Variants in KLHL4 observed in about 807,000 individuals in gnomAD.
The protein encoded by KLHL4 is kelch-like protein 4.
In KLHL4, 17 loss-of-function variants were observed where a neutral mutation model predicts 45.8. That is an observed-to-expected ratio of 0.37 (90% CI 0.25 to 0.56). The LOEUF (loss-of-function observed/expected upper bound fraction) is 0.56, where lower values mean the gene tolerates loss of function less well. Among genes scored for constraint, KLHL4 ranks in the 20% least tolerant of loss-of-function variants. KLHL4 has a pLI of 0.79. For missense variants in KLHL4, 544 were observed against 544.9 expected, an observed-to-expected ratio of 1.00 and a Z score of 0.02; for synonymous variants, 224 against 189.9, an observed-to-expected ratio of 1.18 and a Z score of -1.47.
At position 87,635,600 on chromosome X, in the gene KLHL4, C is replaced by A; in HGVS notation, c.1750C>A (p.Leu584Ile). The change falls in exon 9 of 11, where the codon CTC becomes ATC. Residue 584 changes from leucine (L) to isoleucine (I), a missense_variant. By Grantham distance (5) the Leu-to-Ile change is conservative (BLOSUM62 2). Transcript: ENST00000373119. ...TGGTGGACGTGATGGAAGTTCCTGC[C>A]TCAAATCAATGGAATACTTTGACCC... ...AIGGRDGSSC[L>I]KSMEYFDPHT... is the part of the protein sequence containing the mutation. 8.3e-7 allele frequency: 1 copy of A among 1,210,591 alleles called. No individual in the cohort carries two copies. Among genetic ancestry groups the A allele is most frequent in the Non-Finnish European group, 1.1e-6 (1 of 894,632 alleles).
intron 1 of KLHL4, among the ~76,000 whole-genome samples, chrX:87,521,976 C>T (rs916234692): frequency 8.9e-6 from 1 of 112,590 alleles, no homozygotes; most frequent in Non-Finnish European, 1.9e-5. Flanking sequence ...ACAGAGACCT[C>T]TGCCTTTTAT....
intron 1 of KLHL4, among the ~76,000 whole-genome samples, chrX:87,609,283 G>A (rs138855019): frequency 2.7e-5 from 3 of 111,958 alleles, no homozygotes; most frequent in African/African-American, 9.7e-5. Flanking sequence ...CCAGTAATGG[G>A]ATGGCTGGGT....
intron 1 of KLHL4, among the ~76,000 whole-genome samples, chrX:87,610,110 C>T (rs940088342): frequency 1.1e-4 from 12 of 111,807 alleles, no homozygotes; most frequent in African/African-American, 3.9e-4. Flanking sequence ...CATTACCACT[C>T]TACATAAAAT....
rs377130923 is a variant in KLHL4 at position 87,667,206 on chromosome X, A to G, written c.*672A>G. On this transcript the variant is annotated 3_prime_UTR_variant, in exon 11 of 11. Coordinates refer to ENST00000373119, the MANE Select transcript of KLHL4 (RefSeq NM_019117.5). ...TAAATTTGGTATTTCTTAACATATTATCTTGTTAGATTTGTTACCAGTAAA... is the reference window on the plus strand; with the variant it reads ...TAAATTTGGTATTTCTTAACATATTGTCTTGTTAGATTTGTTACCAGTAAA... The G allele has an allele frequency of 4.0e-5, 29 of 724,524 alleles. No individual in the cohort carries two copies. The East Asian group carries it at 1.8e-3, about 46-fold the overall frequency. The allele number at this position is 724,524 out of a possible 1,213,427, so 59.7% of individuals were successfully genotyped here.
At position 87,634,972 on chromosome X, in the gene KLHL4, T is replaced by A. The variant is rs1923215325; in HGVS notation, c.1713-591T>A. On this transcript the variant is annotated intron_variant, in intron 8 of 10. Coordinates refer to ENST00000373119, the MANE Select transcript of KLHL4 (RefSeq NM_019117.5). ...TTAATACATGATAACTTTAAAATTA[T>A]ATTAAAAATACTACTTATCAAAAGA... is the stretch of plus-strand genomic sequence containing the variant. Among the ~76,000 whole-genome samples the A allele has an allele frequency of 2.7e-5, 3 of 111,913 alleles. No homozygotes were observed. The Admixed American group carries it at 2.9e-4, about 11-fold the overall frequency.
intron 1 of KLHL4, among the ~76,000 whole-genome samples, chrX:87,610,807 C>T: frequency 9.0e-6 from 1 of 111,695 alleles, no homozygotes; most frequent in Non-Finnish European, 1.9e-5. Context: ...AGCGCAGTGG[C>T]TCACACCTGT....
chrX:87,636,218 C>A (rs1432289526), intron 9 of KLHL4, among the ~76,000 whole-genome samples: 1 of 111,947 alleles, frequency 8.9e-6, no homozygotes, highest in East Asian at 2.8e-4. Context: ...AATATGTCAT[C>A]TTATTGTTAA....
intron 1 of KLHL4, among the ~76,000 whole-genome samples, chrX:87,552,240 T>C (rs1931844674): frequency 9.1e-6 from 1 of 110,334 alleles, no homozygotes; most frequent in Non-Finnish European, 1.9e-5. Flanking sequence ...AGGACATGAA[T>C]AGAGAATTCT....
intron 1 of KLHL4, among the ~76,000 whole-genome samples, chrX:87,578,390 T>C (rs1453261513): frequency 8.9e-6 from 1 of 111,765 alleles, no homozygotes; most frequent in Admixed American, 9.5e-5. Flanking sequence ...TGATGGATCA[T>C]TGCCTTATCT....
At position 87,545,633 on chromosome X, in the gene KLHL4, C is replaced by A. The variant is rs1276524194; in HGVS notation, c.422+27318C>A. On this transcript the variant is annotated intron_variant, in intron 1 of 10. Transcript: ENST00000373119. ...AATGGACTAATAAAGTAAATTTGTG[C>A]CACAGAGTGAGGTACTGCCATAAAG... 2.7e-5 allele frequency among the ~76,000 whole-genome samples: 3 copies of A among 111,581 alleles called. No homozygotes were observed. The East Asian group carries it at 8.4e-4, about 31-fold the overall frequency.
chrX:87,547,239 G>GT (rs1429654606), intron 1 of KLHL4, among the ~76,000 whole-genome samples: 1 of 110,700 alleles, frequency 9.0e-6, no homozygotes, highest in Non-Finnish European at 1.9e-5. Flanking sequence ...TTATGGGGTG[G>GT]TTTTTTCCAT....
At chrX:87,609,493 C>T (rs1922303374) in intron 1 of KLHL4, among the ~76,000 whole-genome samples, 1 of 112,121 alleles carries the variant, frequency 8.9e-6, no homozygotes, top group African/African-American at 3.2e-5. Context: ...TTTTGATTTG[C>T]ATTTCTCTGA....
At chrX:87,617,882 T>A (rs749555934) in intron 3 of KLHL4, 50 bp from the exon 4 acceptor site, 9 of 1,066,941 alleles carry the variant, frequency 8.4e-6, no homozygotes, top group African/African-American at 1.9e-5. Flanking sequence ...TTGACGTAGT[T>A]TTTACTTTAT....
chrX:87,555,262 T>C (rs1347673984), intron 1 of KLHL4, among the ~76,000 whole-genome samples: 2 of 109,094 alleles, frequency 1.8e-5, no homozygotes, highest in African/African-American at 3.3e-5. Flanking sequence ...TCCCTCTTTT[T>C]CTATTGATTG....
chrX:87,644,268 G>A (rs1445392742), intron 9 of KLHL4, among the ~76,000 whole-genome samples: 2 of 111,515 alleles, frequency 1.8e-5, no homozygotes, highest in Non-Finnish European at 3.8e-5. Flanking sequence ...CAACTAAGCA[G>A]AGAATCAAAT....
At chrX:87,629,879 A>G (rs1923043908) in intron 6 of KLHL4, among the ~76,000 whole-genome samples, 1 of 112,064 alleles carries the variant, frequency 8.9e-6, no homozygotes, top group African/African-American at 3.2e-5. Context: ...TGTAGAAAAC[A>G]TATTTTGATA....
intron 1 of KLHL4, among the ~76,000 whole-genome samples, chrX:87,576,095 T>A (rs1921093326): frequency 9.0e-6 from 1 of 111,485 alleles, no homozygotes; most frequent in African/African-American, 3.3e-5. Context: ...CCAGTGAGAT[T>A]TCTACAATAC....
intron 1 of KLHL4, among the ~76,000 whole-genome samples, chrX:87,612,655 G>T: frequency 9.0e-6 from 1 of 111,477 alleles, no homozygotes; most frequent in South Asian, 3.7e-4. Flanking sequence ...AATCACATGT[G>T]GTATATTAAA....
At chrX:87,613,010 G>T (rs1300044369) in intron 1 of KLHL4, among the ~76,000 whole-genome samples, 1 of 111,312 alleles carries the variant, frequency 9.0e-6, no homozygotes, top group Admixed American at 9.6e-5. Flanking sequence ...TATGACTGAA[G>T]ATTTAAAGAG....
Sources: gnomAD v4.1 joint callset for allele counts (sites outside exome capture counted in the v4.1 genomes callset) on GRCh38, gnomAD v4.1.1 for gene constraint, MANE v1.5 for transcripts, NCBI Gene and HGNC (gene_info 2026-07-23, HGNC 2026-07-21) for gene names.